The following UBN2 variants were observed in gnomAD, a reference collection of about 807,000 sequenced individuals.
UBN2 encodes the protein ubinuclein-2.
UBN2 carries 35 observed loss-of-function variants against 120.2 expected under a neutral mutation model. The observed-to-expected ratio is 0.29, with a 90% confidence interval of 0.22 to 0.39. The LOEUF (loss-of-function observed/expected upper bound fraction) is 0.39, where lower values mean the gene tolerates loss of function less well. UBN2 is among the 10% of genes least tolerant of loss of function. UBN2 has a pLI of 1.00. For synonymous variants in UBN2, 661 were observed against 648.7 expected, an observed-to-expected ratio of 1.02 and a Z score of -0.29; for missense variants, 1,693 against 1,663.2, an observed-to-expected ratio of 1.02 and a Z score of -0.31.
At chr7:139,270,332 G>A (rs760324856) in intron 8 of UBN2, among the ~76,000 whole-genome samples, 5 of 149,026 alleles carry the variant, frequency 3.4e-5, no homozygotes, top group South Asian at 2.1e-4. Flanking sequence ...GCAGTGGCGC[G>A]ATCTCAGCTC....
the UBN2 span, among the ~76,000 whole-genome samples, chr7:139,326,816 C>A: frequency 6.6e-6 from 1 of 152,144 alleles, no homozygotes. Context: ...AGCTTTGGTG[C>A]AGGTGTCTGG....
intron 12 of UBN2, 67 bp downstream of exon 12, chr7:139,276,214 C>A: frequency 6.9e-7 from 1 of 1,445,424 alleles, no homozygotes; most frequent in Non-Finnish European, 9.7e-7. Flanking sequence ...ACAAAAGTAT[C>A]ATTTATTAAA....
chr7:139,328,853 T>C, the UBN2 span, among the ~76,000 whole-genome samples: 2 of 134,528 alleles, frequency 1.5e-5, no homozygotes, highest in African/African-American at 6.3e-5. Context: ...TGAGACCCTG[T>C]CTCAAGAAAA....
Position 139,283,365 on chromosome 7 carries a change from A to T in UBN2, c.2460A>T (p.Lys820Asn), listed in dbSNP as rs1016247607. The T allele has an allele frequency of 6.2e-7, 1 of 1,613,990 alleles. No individual in the cohort carries two copies. Among genetic ancestry groups the T allele is most frequent in the Non-Finnish European group, 8.5e-7 (1 of 1,180,008 alleles). Residue 820 changes from lysine to asparagine, a missense_variant, in exon 15 of 18, where the codon AAA (lysine) becomes AAT (asparagine). Transcript: ENST00000473989. ...AGCTGCCACTAGCTACTCCCAAAAA[A>T]CTAGATTCTACTCAGACTACACATT... ...MSKLPLATPKKLDSTQTTHSS... is the reference protein window; with the variant it reads ...MSKLPLATPKNLDSTQTTHSS...
chr7:139,277,442 A>G (rs957196458), intron 12 of UBN2: 10 of 152,260 alleles, frequency 6.6e-5, no homozygotes, highest in African/African-American at 2.4e-4. Flanking sequence ...AGTATACTGT[A>G]TTCTTACAAT....
At chr7:139,279,118 T>A (rs1448621830) in intron 12 of UBN2, among the ~76,000 whole-genome samples, 200 bp from the exon 13 acceptor site, 1 of 152,192 alleles carries the variant, frequency 6.6e-6, no homozygotes, top group Non-Finnish European at 1.5e-5. Flanking sequence ...TTTTACTAGT[T>A]GTTTGGCCTT....
intron 2 of UBN2, among the ~76,000 whole-genome samples, chr7:139,237,821 A>G (rs2130929248): frequency 6.6e-6 from 1 of 152,164 alleles, no homozygotes; most frequent in South Asian, 2.1e-4. Flanking sequence ...AGTAGTTCTG[A>G]AACCTTCCTG....
intron 15 of UBN2, among the ~76,000 whole-genome samples, chr7:139,289,414 C>CTTTTTTTTTTTTTTTTTTTTTTTTTT (rs1161484759): frequency 2.4e-4 from 30 of 125,794 alleles, no homozygotes; most frequent in African/African-American, 4.0e-4. Flanking sequence ...TTACATTTTG[C>CTTTTTTTTTTTTTTTTTTTTTTTTTT]TTTTTTTTTT....
intron 3 of UBN2, among the ~76,000 whole-genome samples, chr7:139,256,435 G>C (rs1796768030): frequency 6.6e-6 from 1 of 152,112 alleles, no homozygotes; most frequent in Admixed American, 6.6e-5. Context: ...ATGGGTTGGA[G>C]GCAGCCACTG....
chr7:139,284,352 A>G lies in UBN2; in HGVS notation c.3447A>G (p.Leu1149=), dbSNP rs370088028. 3.7e-6 allele frequency: 6 copies of G among 1,614,066 alleles called. No individual in the cohort carries two copies. In the African/African-American group the frequency reaches 8.0e-5, roughly 22 times the overall value. ...PTKNLQAPSK[L]TNSSSTGTVG... ...AAAATCTTCAGGCCCCCTCAAAGCT[A>G]ACAAACTCATCATCCACTGGAACTG... is the stretch of plus-strand genomic sequence containing the variant. The change falls in exon 15 of 18, where the codon CTA becomes CTG. Residue 1149 remains leucine (L), a synonymous_variant. Transcript: ENST00000473989.
At chr7:139,329,585 T>C in the UBN2 span, among the ~76,000 whole-genome samples, 2 of 152,140 alleles carry the variant, frequency 1.3e-5, no homozygotes, top group African/African-American at 2.4e-5. Context: ...GAGAAGGTTG[T>C]TCCATTCTAA....
At chr7:139,282,529 T>C (rs1797644655) in intron 14 of UBN2, among the ~76,000 whole-genome samples, 1 of 152,196 alleles carries the variant, frequency 6.6e-6, no homozygotes, top group Admixed American at 6.5e-5. Flanking sequence ...TACCAGTTTT[T>C]CTATGTACTG....
chr7:139,327,983 A>C, the UBN2 span, among the ~76,000 whole-genome samples: 1 of 152,192 alleles, frequency 6.6e-6, no homozygotes, highest in South Asian at 2.1e-4. Context: ...AGAGGTTGAT[A>C]AAATAAACAT....
At chr7:139,260,560 G>A (rs1169415904) in intron 5 of UBN2, among the ~76,000 whole-genome samples, 1 of 152,152 alleles carries the variant, frequency 6.6e-6, no homozygotes, top group East Asian at 1.9e-4. Context: ...AGACGCTTGT[G>A]AGAGGCTGAA....
chr7:139,233,057 A>C (rs551139547), intron 1 of UBN2, among the ~76,000 whole-genome samples: 1 of 152,212 alleles, frequency 6.6e-6, no homozygotes, highest in Non-Finnish European at 1.5e-5. Flanking sequence ...TTCATCTTCA[A>C]CTACCTTTAT....
the UBN2 span, among the ~76,000 whole-genome samples, chr7:139,313,780 T>C: frequency 6.6e-6 from 1 of 152,160 alleles, no homozygotes. Context: ...GGAAGGTTGA[T>C]TATATGCATG....
chr7:139,321,615 G>A, the UBN2 span, among the ~76,000 whole-genome samples: 10 of 152,304 alleles, frequency 6.6e-5, no homozygotes, highest in South Asian at 2.1e-4. Flanking sequence ...GAGCCTAAGC[G>A]GCTGGGCAGG....
chr7:139,318,296 G>T, the UBN2 span, among the ~76,000 whole-genome samples: 1 of 152,160 alleles, frequency 6.6e-6, no homozygotes, highest in Non-Finnish European at 1.5e-5. Context: ...TTGCAAGTGG[G>T]CTGGGAGCAC....
At chr7:139,233,290 C>T (rs762526290) in intron 1 of UBN2, among the ~76,000 whole-genome samples, 1 of 152,162 alleles carries the variant, frequency 6.6e-6, no homozygotes, top group Non-Finnish European at 1.5e-5. Flanking sequence ...AATGCCCCTT[C>T]TTTATAAATC....
Sources: allele counts gnomAD v4.1 joint callset (sites outside exome capture counted in the v4.1 genomes callset), GRCh38; gene constraint gnomAD v4.1.1; transcripts MANE v1.5; gene names NCBI Gene and HGNC (gene_info 2026-07-23, HGNC 2026-07-21).